The following RNFT2 variants were observed in gnomAD, a reference collection of about 807,000 sequenced individuals.
RNFT2 encodes the protein E3 ubiquitin-protein ligase RNFT2.
In RNFT2, 36 loss-of-function variants were observed where a neutral mutation model predicts 53.0. The observed-to-expected ratio is 0.68, with a 90% CI of 0.52 to 0.90. The LOEUF is 0.90. Among genes scored for constraint, RNFT2 ranks in the 40% least tolerant of loss-of-function variants. RNFT2 has a pLI of 0.00. For synonymous variants in RNFT2, 260 were observed against 253.2 expected (o/e 1.03, Z -0.26); for missense variants, 514 against 585.6 (o/e 0.88, Z 1.26).
Position 116,852,347 on chromosome 12 carries a change from A to G in RNFT2, c.*2899A>G. On this transcript the variant is annotated 3_prime_UTR_variant, in exon 11 of 11. Transcript: ENST00000257575. The stretch of plus-strand genomic sequence containing the variant: ...CCCTGCCCCGCCGTAGATTCAGGAC[A>G]TTTGCCCCTGTGTGCCACCAAACCA... The G allele has an allele frequency of 7.8e-7, 1 of 1,285,922 alleles. No homozygotes were observed. The allele number at this position is 1,285,922 out of a possible 1,614,324, so 79.7% of individuals were successfully genotyped here.
Position 116,789,602 on chromosome 12 carries a change from T to C in RNFT2, c.882+10254T>C, listed in dbSNP as rs370576680. 2.2e-4 allele frequency among the ~76,000 whole-genome samples: 28 copies of C among 129,542 alleles called. 1 individual carries two copies. Among genetic ancestry groups the C allele is most frequent in the Admixed American group, 8.0e-4 (10 of 12,430 alleles). 85.0% of individuals were successfully genotyped at this position (129,542 alleles called of 152,430 possible). On this transcript the variant is annotated intron_variant, in intron 7 of 10. Coordinates refer to ENST00000257575, the MANE Select transcript of RNFT2 (RefSeq NM_001382266.1). ...GGGTAAATGGTAGGAGAGTGGTGGG[T>C]GGATGGATGGTAGATGGATGGATGG...
chr12:116,756,301 C>T (rs1479533973), intron 5 of RNFT2, among the ~76,000 whole-genome samples: 7 of 150,546 alleles, frequency 4.6e-5, no homozygotes, highest in Admixed American at 4.0e-4. Flanking sequence ...AGGTATATTC[C>T]TAAGGTTTTT....
intron 7 of RNFT2, among the ~76,000 whole-genome samples, chr12:116,810,969 G>A (rs1875342809): frequency 1.3e-5 from 2 of 152,222 alleles, no homozygotes; most frequent in South Asian, 2.1e-4. Flanking sequence ...AGGTTCCAGA[G>A]TGGATTGGAA....
chr12:116,818,348 G>A (rs1358882180), intron 7 of RNFT2, among the ~76,000 whole-genome samples: 1 of 149,028 alleles, frequency 6.7e-6, no homozygotes, highest in Admixed American at 6.7e-5. Flanking sequence ...CCGCTTTTTC[G>A]TCTGCAAACC....
rs181699321 is a variant in RNFT2, at chr12:116,821,741, C to T, written c.883-12051C>T. ...GGGCTTTGAAATGCAGATTCCTGGC[C>T]CTGTGCTAGCTTGCTAGCTTTAGTC... On this transcript the variant is annotated intron_variant, in intron 7 of 10. Transcript: ENST00000257575. 2.2e-3 allele frequency among the ~76,000 whole-genome samples: 318 copies of T among 147,820 alleles called. 2 individuals carry two copies. The highest frequency in any genetic ancestry group is 7.5e-3 in the African/African-American group (308 of 40,824).
intron 10 of RNFT2, among the ~76,000 whole-genome samples, chr12:116,844,892 T>C (rs1877525532): frequency 6.6e-6 from 1 of 152,160 alleles, no homozygotes; most frequent in South Asian, 2.1e-4. Context: ...AGATATTTAC[T>C]GAGCATCTGA....
In RNFT2 at chr12:116,743,230, A is replaced by AAAAAAAAAAAAAC. The variant is rs1566066738; in HGVS notation, c.83+2148_83+2149insCAAAAAAAAAAAA. ...GTAGAATCTAAAAAAAAAAAAAAAAAAAAAAAAAAAAAAACCGGTTAAAAA... is the reference window on the plus strand; with the variant it reads ...GTAGAATCTAAAAAAAAAAAAAAAAAAAAAAAAAAAAACAAAAAAAAAAAAAACCGGTTAAAAA... On this transcript the variant is annotated intron_variant, in intron 3 of 10. Coordinates refer to ENST00000257575, the MANE Select transcript of RNFT2 (RefSeq NM_001382266.1). Among the ~76,000 whole-genome samples the AAAAAAAAAAAAAC allele has an allele frequency of 2.6e-3, 309 of 120,790 alleles. 74 individuals are homozygous for AAAAAAAAAAAAAC. Among genetic ancestry groups the AAAAAAAAAAAAAC allele is most frequent in the Non-Finnish European group, 4.3e-3 (252 of 57,982 alleles). The allele number at this position is 120,790 out of a possible 152,430, so 79.2% of individuals were successfully genotyped here.
chr12:116,802,817 T>G (rs2137153568), intron 7 of RNFT2, among the ~76,000 whole-genome samples: 1 of 152,140 alleles, frequency 6.6e-6, no homozygotes, highest in East Asian at 1.9e-4. Flanking sequence ...CAGGTGGGCC[T>G]GGCGCAGTGG....
intron 7 of RNFT2, among the ~76,000 whole-genome samples, chr12:116,830,803 C>T (rs1876602982): frequency 6.6e-6 from 1 of 151,608 alleles, no homozygotes; most frequent in Non-Finnish European, 1.5e-5. Flanking sequence ...ACTTGAGAGC[C>T]TGAGACAGGA....
chr12:116,743,247 G>GAAAAAAAAAAAAAAAAAAAAAAA (rs1566066807), intron 3 of RNFT2, among the ~76,000 whole-genome samples: 1 of 61,582 alleles, frequency 1.6e-5, no homozygotes, highest in Admixed American at 2.6e-4. Context: ...AAAAAAAACC[G>GAAAAAAAAAAAAAAAAAAAAAAA]GTTAAAAAAC....
chr12:116,793,407 C>T (rs1332850900), intron 7 of RNFT2, among the ~76,000 whole-genome samples: 1 of 151,918 alleles, frequency 6.6e-6, no homozygotes, highest in Non-Finnish European at 1.5e-5. Flanking sequence ...AGGCTGGTCT[C>T]GAACTCCTGG....
Position 116,851,903 on chromosome 12 carries a change from C to T in RNFT2, c.*2455C>T, listed in dbSNP as rs1002877738. The T allele has an allele frequency of 6.5e-7, 1 of 1,535,990 alleles. No homozygotes were observed. Among genetic ancestry groups the T allele is most frequent in the African/African-American group, 1.4e-5 (1 of 73,014 alleles). ...TCATCTCCCTCACTTAAGTCTCAGG[C>T]CTGTCAGCAGCTCCTGTGGACATTG... On this transcript the variant is annotated 3_prime_UTR_variant, in exon 11 of 11. Transcript: ENST00000257575.
chr12:116,750,022 A>T lies in RNFT2; in HGVS notation c.265A>T (p.Ile89Phe). Residue 89 changes from isoleucine to phenylalanine, a missense_variant, in exon 4 of 11, where the codon ATC becomes TTC. Around this residue, in one of 3 missense-constraint regions of RNFT2, gnomAD observed 237 missense variants for 235.1 expected, o/e 1.01. Coordinates refer to ENST00000257575, the MANE Select transcript of RNFT2 (RefSeq NM_001382266.1). ...CTCGGCTGGCGGCGGGGACGTGTTCATCCAGATGCCCGCGTCCAGGGAGGA... is the reference window on the plus strand; with the variant it reads ...CTCGGCTGGCGGCGGGGACGTGTTCTTCCAGATGCCCGCGTCCAGGGAGGA... ...GSSAGGGDVF[I>F]QMPASREEGG... is the part of the protein sequence containing the mutation. The T allele has an allele frequency of 6.4e-7, 1 of 1,553,910 alleles. No homozygotes were observed. Among genetic ancestry groups the T allele is most frequent in the Non-Finnish European group, 8.7e-7 (1 of 1,149,398 alleles).
At chr12:116,818,414 C>T (rs1875810061) in intron 7 of RNFT2, among the ~76,000 whole-genome samples, 2 of 152,082 alleles carry the variant, frequency 1.3e-5, no homozygotes, top group African/African-American at 4.8e-5. Flanking sequence ...TGGCTCAGTG[C>T]CTGGTTCAGC....
intron 3 of RNFT2, among the ~76,000 whole-genome samples, chr12:116,748,332 G>C (rs1164039077): frequency 6.6e-6 from 1 of 152,236 alleles, no homozygotes; most frequent in Non-Finnish European, 1.5e-5. Flanking sequence ...TCCGCCAGCA[G>C]TGGCTCTGCA....
chr12:116,839,315 G>A (rs1330145963), intron 10 of RNFT2, among the ~76,000 whole-genome samples: 1 of 151,786 alleles, frequency 6.6e-6, no homozygotes, highest in Non-Finnish European at 1.5e-5. Context: ...ATGGATGGAG[G>A]GATGGATGGA....
intron 7 of RNFT2, among the ~76,000 whole-genome samples, chr12:116,797,257 G>A (rs1019103120): frequency 1.3e-5 from 2 of 152,104 alleles, no homozygotes; most frequent in Non-Finnish European, 2.9e-5. Context: ...GGCTATATTT[G>A]GAAATAGGGT....
In RNFT2 at chr12:116,832,699, G is replaced by T. The variant is rs993033886; in HGVS notation, c.883-1093G>T. On this transcript the variant is annotated intron_variant, in intron 7 of 10. Transcript: ENST00000257575. ...AGAAAGCTTCAGGGACTTGTCCAAGGTCAAGGGGAGGAAGAGAAATAGGAT... is the reference window on the plus strand; with the variant it reads ...AGAAAGCTTCAGGGACTTGTCCAAGTTCAAGGGGAGGAAGAGAAATAGGAT... Among the ~76,000 whole-genome samples the T allele has an allele frequency of 4.6e-5, 7 of 152,102 alleles. 1 individual carries two copies. Among genetic ancestry groups the T allele is most frequent in the Non-Finnish European group, 5.9e-5 (4 of 68,014 alleles).
chr12:116,802,087 G>A (rs1874826741), intron 7 of RNFT2, among the ~76,000 whole-genome samples: 1 of 152,106 alleles, frequency 6.6e-6, no homozygotes, highest in African/African-American at 2.4e-5. Flanking sequence ...CTCCCAAAGT[G>A]GTGACTTAAA....
Sources: allele counts gnomAD v4.1 joint callset (sites outside exome capture counted in the v4.1 genomes callset), GRCh38; gene constraint gnomAD v4.1.1; regional missense constraint gnomAD v4.1.1; transcripts MANE v1.5; gene names NCBI Gene and HGNC (gene_info 2026-07-23, HGNC 2026-07-21).